Variants in SPATA6 observed in about 807,000 individuals in gnomAD.
SPATA6 encodes the protein spermatogenesis-associated protein 6.
Under a neutral mutation model 65.3 loss-of-function variants are expected in SPATA6, and 56 were observed. The observed-to-expected ratio is 0.86, with a 90% CI of 0.69 to 1.07. SPATA6 has a LOEUF of 1.07. Ranked by LOEUF, SPATA6 falls within the 50% of genes least tolerant of loss-of-function variation. The pLI, the probability that SPATA6 is intolerant of heterozygous loss-of-function variation, is 0.00. For synonymous variants in SPATA6, 199 were observed against 213.2 expected, an observed-to-expected ratio of 0.93 and a Z score of 0.58; for missense variants, 590 against 594.8, an observed-to-expected ratio of 0.99 and a Z score of 0.08.
chr1:48,447,385 G>A (rs966221859), intron 3 of SPATA6, among the ~76,000 whole-genome samples: 2 of 152,110 alleles, frequency 1.3e-5, no homozygotes, highest in African/African-American at 4.8e-5. Flanking sequence ...CGGGCATGGT[G>A]TCACGCACCT....
intron 5 of SPATA6, among the ~76,000 whole-genome samples, chr1:48,405,208 G>A (rs560841178): frequency 6.6e-6 from 1 of 152,280 alleles, no homozygotes; most frequent in Admixed American, 6.5e-5. Flanking sequence ...CTACACTCAA[G>A]AAGAGTAGTT....
chr1:48,289,726 G>A, the SPATA6 span, among the ~76,000 whole-genome samples: 297 of 152,308 alleles, frequency 1.9e-3, no homozygotes, highest in African/African-American at 6.4e-3. Context: ...TAGCCGATTC[G>A]ATCAACTGGA....
intron 6 of SPATA6, among the ~76,000 whole-genome samples, chr1:48,403,492 C>T (rs1651374269): frequency 6.6e-6 from 1 of 152,160 alleles, no homozygotes; most frequent in Non-Finnish European, 1.5e-5. Context: ...CTCTGTGAGA[C>T]TACTTGATCC....
At chr1:48,419,390 A>G (rs1187509364) in intron 3 of SPATA6, among the ~76,000 whole-genome samples, 1 of 152,230 alleles carries the variant, frequency 6.6e-6, no homozygotes, top group Non-Finnish European at 1.5e-5. Context: ...ATAAAGAAAT[A>G]AGACAGTTGC....
chr1:48,338,512 G>A (rs555253337), intron 11 of SPATA6, among the ~76,000 whole-genome samples: 15 of 152,146 alleles, frequency 9.9e-5, no homozygotes, highest in African/African-American at 2.9e-4. Context: ...GAACCAAAAC[G>A]TTGATTGCTG....
intron 1 of SPATA6, among the ~76,000 whole-genome samples, chr1:48,468,947 T>A (rs1203346976): frequency 3.3e-5 from 5 of 152,184 alleles, no homozygotes; most frequent in African/African-American, 4.8e-5. Context: ...CCTTATTTTT[T>A]AATTTTATTT....
At chr1:48,359,200 A>G (rs939269668) in intron 10 of SPATA6, among the ~76,000 whole-genome samples, 6 of 152,202 alleles carry the variant, frequency 3.9e-5, no homozygotes, top group African/African-American at 1.4e-4. Flanking sequence ...GATACCATCT[A>G]CCAAAAATAT....
At chr1:48,310,819 T>C (rs1645186650) in intron 11 of SPATA6, among the ~76,000 whole-genome samples, 1 of 152,156 alleles carries the variant, frequency 6.6e-6, no homozygotes, top group Non-Finnish European at 1.5e-5. Context: ...TCTTGAAGAA[T>C]GTTAGGCTAT....
chr1:48,347,704 A>C (rs575009332), intron 11 of SPATA6, among the ~76,000 whole-genome samples: 25 of 151,872 alleles, frequency 1.6e-4, no homozygotes, highest in Non-Finnish European at 2.8e-4. Flanking sequence ...TAAGATTTAT[A>C]ACTTTTCCAA....
intron 3 of SPATA6, among the ~76,000 whole-genome samples, chr1:48,449,536 C>T (rs1656365508): frequency 6.6e-6 from 1 of 152,132 alleles, no homozygotes; most frequent in Non-Finnish European, 1.5e-5. Flanking sequence ...CAGCCAAACC[C>T]AAACTGTATG....
In SPATA6 at chr1:48,385,343, G is replaced by C. The variant is rs1649352152; in HGVS notation, c.875C>G (p.Ser292Cys). ...DGWSRVHNDH[S>C]HLGCCRPKDY... ...CTTGGGTCGGCAGCAGCCAAGATGA[G>C]AATGATCTGAAAAAGGAAGTACAAA... The change falls in exon 9 of 13, where the codon TCT (serine) becomes TGT (cysteine). Residue 292 changes from serine (S) to cysteine (C), a missense_variant. Transcript: ENST00000371847. 1 of 1,607,800 alleles carries C rather than the reference G, an allele frequency of 6.2e-7. No individual in the cohort carries two copies. The highest frequency in any genetic ancestry group is 8.5e-7 in the Non-Finnish European group (1 of 1,177,938).
Position 48,395,291 on chromosome 1 carries a change from C to G in SPATA6, c.844G>C (p.Asp282His). The G allele has an allele frequency of 1.3e-6, 2 of 1,567,148 alleles. No homozygotes were observed. Among genetic ancestry groups the G allele is most frequent in the Non-Finnish European group, 1.7e-6 (2 of 1,153,866 alleles). Reference protein sequence around the residue: ...LGSSGRDCERDGWSRVHNDHS... With the variant: ...LGSSGRDCERHGWSRVHNDHS... ...CCATTGTGCACCCTTGACCATCCAT[C>G]TCTTTCACAGTCTCTTCCAGAAGAT... Residue 282 changes from aspartate to histidine, a missense_variant, in exon 8 of 13, where the codon GAT (aspartate) becomes CAT (histidine). Transcript: ENST00000371847.
At chr1:48,293,778 A>G (rs1644783498), downstream of SPATA6, among the ~76,000 whole-genome samples, 1 of 152,186 alleles carries the variant, frequency 6.6e-6, no homozygotes, top group South Asian at 2.1e-4. Flanking sequence ...AGTAATTTCA[A>G]TTATTATCCC....
chr1:48,393,664 T>C (rs1650291449), intron 8 of SPATA6, among the ~76,000 whole-genome samples: 1 of 152,078 alleles, frequency 6.6e-6, no homozygotes, highest in Non-Finnish European at 1.5e-5. Context: ...CATAACAAAA[T>C]ATCATGGACT....
chr1:48,452,680 G>A (rs1179695971), intron 2 of SPATA6, among the ~76,000 whole-genome samples: 2 of 152,096 alleles, frequency 1.3e-5, no homozygotes, highest in African/African-American at 2.4e-5. Flanking sequence ...CACCGCACAC[G>A]GCTGATATAT....
At chr1:48,436,765 C>T in intron 3 of SPATA6, 3 of 1,614,156 alleles carry the variant, frequency 1.9e-6, no homozygotes, top group East Asian at 2.2e-5. Context: ...TGGGCAGGTG[C>T]CTTTCCAGGA....
At chr1:48,344,948 C>G (rs1009775854) in intron 11 of SPATA6, among the ~76,000 whole-genome samples, 1 of 152,068 alleles carries the variant, frequency 6.6e-6, no homozygotes, top group Non-Finnish European at 1.5e-5. Context: ...ACCCCACTGA[C>G]AATATGAGAC....
chr1:48,471,806 A>G (rs564757976), intron 1 of SPATA6, 152 bp downstream of exon 1: 3 of 875,394 alleles, frequency 3.4e-6, no homozygotes, highest in East Asian at 5.4e-5. Context: ...TCTGAGAACA[A>G]GATGGGGCAG....
At chr1:48,283,665 C>A in the SPATA6 span, among the ~76,000 whole-genome samples, 233 of 10,048 alleles carry the variant, frequency 0.023, 6 homozygotes, top group East Asian at 0.17. Flanking sequence ...GGTGACAGAG[C>A]AAGACTCCGT....
Sources: allele counts gnomAD v4.1 joint callset (sites outside exome capture counted in the v4.1 genomes callset), GRCh38; gene constraint gnomAD v4.1.1; transcripts MANE v1.5; gene names NCBI Gene and HGNC (gene_info 2026-07-23, HGNC 2026-07-21).